FSTL4: variants seen among roughly 807,000 people sequenced by gnomAD.
FSTL4 encodes follistatin-related protein 4.
FSTL4 carries 28 observed loss-of-function variants against 78.2 expected under a neutral mutation model. The observed-to-expected ratio is 0.36, with a 90% CI of 0.27 to 0.49. The LOEUF (loss-of-function observed/expected upper bound fraction) is 0.49. FSTL4 is among the 20% of genes least tolerant of loss of function. The pLI, the probability that FSTL4 is intolerant of heterozygous loss-of-function variation, is 0.98. For synonymous variants in FSTL4, 422 were observed against 440.5 expected, an observed-to-expected ratio of 0.96 and a Z score of 0.53; for missense variants, 922 against 1,084.9, an observed-to-expected ratio of 0.85 and a Z score of 2.11.
At chr5:133,378,543 T>C (rs1198097570) in intron 4 of FSTL4, among the ~76,000 whole-genome samples, 1 of 152,170 alleles carries the variant, frequency 6.6e-6, no homozygotes, top group Non-Finnish European at 1.5e-5. Flanking sequence ...ATGACAAAAT[T>C]ATTTAAATCA....
At chr5:133,523,974 C>T (rs933057766) in intron 3 of FSTL4, among the ~76,000 whole-genome samples, 8 of 152,316 alleles carry the variant, frequency 5.3e-5, no homozygotes, top group Middle Eastern at 3.4e-3. Context: ...GCAGGGAAGA[C>T]GGGTGTCCTT....
At chr5:133,740,080 G>T in the FSTL4 span, among the ~76,000 whole-genome samples, 243 of 152,120 alleles carry the variant, frequency 1.6e-3, no homozygotes, top group African/African-American at 5.5e-3. Context: ...ACAGGGTTTT[G>T]CCATGTTGCC....
chr5:133,830,578 C>T, the FSTL4 span, among the ~76,000 whole-genome samples: 5 of 152,220 alleles, frequency 3.3e-5, no homozygotes, highest in Non-Finnish European at 7.4e-5. Context: ...GTGATTCTCA[C>T]AGGCACAGAG....
chr5:133,196,459 TG>T lies in FSTL4; in HGVS notation c.*2635del, dbSNP rs1750148897. 1 of 152,166 alleles carries T rather than the reference TG, an allele frequency of 6.6e-6. No homozygotes were observed. Among genetic ancestry groups the T allele is most frequent in the African/African-American group, 2.4e-5 (1 of 41,422 alleles). The allele number at this position is 152,166 out of a possible 1,614,324, so 9.4% of individuals were successfully genotyped here. ...GGGAAAAAAAAAACTATCGAATTTT[TG>T]TAAAATTAATTTTATTTCAAAATGA... is the stretch of plus-strand genomic sequence containing the variant. On this transcript the variant is annotated 3_prime_UTR_variant, in exon 16 of 16. Coordinates refer to ENST00000265342, the MANE Select transcript of FSTL4 (RefSeq NM_015082.2).
chr5:133,579,434 C>T (rs1029883048), intron 2 of FSTL4, among the ~76,000 whole-genome samples: 10 of 152,122 alleles, frequency 6.6e-5, no homozygotes, highest in East Asian at 3.9e-4. Context: ...CATTCTGAGA[C>T]GCTTCATGTC....
At chr5:133,535,794 T>C (rs1759340421) in intron 3 of FSTL4, among the ~76,000 whole-genome samples, 1 of 152,134 alleles carries the variant, frequency 6.6e-6, no homozygotes, top group South Asian at 2.1e-4. Context: ...TCCAAGTAGA[T>C]TAGGACAAGG....
intron 4 of FSTL4, among the ~76,000 whole-genome samples, chr5:133,340,079 A>G (rs1210272008): frequency 6.6e-6 from 1 of 152,146 alleles, no homozygotes; most frequent in Admixed American, 6.5e-5. Flanking sequence ...TGTTCCAGGC[A>G]TGGGGAGTCT....
At chr5:133,221,174 T>A (rs929389758) in intron 11 of FSTL4, among the ~76,000 whole-genome samples, 1 of 152,202 alleles carries the variant, frequency 6.6e-6, no homozygotes, top group Non-Finnish European at 1.5e-5. Flanking sequence ...TGACCTTTCC[T>A]GTTCTGAAAG....
intron 3 of FSTL4, among the ~76,000 whole-genome samples, chr5:133,490,831 G>A (rs940525754): frequency 2.6e-5 from 4 of 152,180 alleles, no homozygotes; most frequent in African/African-American, 7.2e-5. Context: ...TGTGTATTAG[G>A]TGTGGAGTTT....
rs182067875 is a variant in FSTL4 at position 133,270,045 on chromosome 5, C to A, written c.728-20469G>T. 235 of 152,354 alleles carry A rather than the reference C, an allele frequency of 1.5e-3. 1 individual carries two copies. Among genetic ancestry groups the A allele is most frequent in the African/African-American group, 5.5e-3 (228 of 41,570 alleles). 9.4% of individuals were successfully genotyped at this position (152,354 alleles called of 1,614,324 possible). A position where few individuals can be genotyped will look rare whatever the true frequency, so the allele number is the denominator to read the frequency against. On this transcript the variant is annotated intron_variant, in intron 6 of 15. Transcript: ENST00000265342. ...AATAAAGTACGTGTGCCTAACATGGCCCTTCCTGCAGGGTTCCACTTCATT... is the reference window on the plus strand; with the variant it reads ...AATAAAGTACGTGTGCCTAACATGGACCTTCCTGCAGGGTTCCACTTCATT...
chr5:133,679,751 T>C, the FSTL4 span, among the ~76,000 whole-genome samples: 7 of 152,154 alleles, frequency 4.6e-5, no homozygotes, highest in Admixed American at 1.3e-4. Context: ...AGGAGGTCTC[T>C]GCACATGGCC....
intron 3 of FSTL4, among the ~76,000 whole-genome samples, chr5:133,554,201 T>C (rs1759741708): frequency 6.6e-6 from 1 of 152,032 alleles, no homozygotes; most frequent in Non-Finnish European, 1.5e-5. Context: ...GTGGACAGAG[T>C]GCAGTCGTGA....
rs117512222 is a variant in FSTL4, at chr5:133,223,333, A to G, written c.1339+857T>C. Among the ~76,000 whole-genome samples, 277 of 152,342 alleles carry G rather than the reference A, an allele frequency of 1.8e-3. 8 individuals are homozygous for G. The East Asian group carries it at 0.047, about 26-fold the overall frequency. On this transcript the variant is annotated intron_variant, in intron 11 of 15. Transcript: ENST00000265342. ...GAAATTGTTCTGAGTATGTGTCTGC[A>G]TGCATATGCCAGACTGCAGGTAACA...
chr5:133,692,381 G>A, the FSTL4 span, among the ~76,000 whole-genome samples: 2 of 152,178 alleles, frequency 1.3e-5, no homozygotes, highest in Non-Finnish European at 2.9e-5. Flanking sequence ...GGGGGTTTGA[G>A]CAGGGGTGTG....
chr5:133,338,440 C>CATGCTTTT lies in FSTL4; in HGVS notation c.410-21796_410-21789dup, dbSNP rs1312758893. On this transcript the variant is annotated intron_variant, in intron 4 of 15. Transcript: ENST00000265342. The surrounding 1 kb of genome is among the most constrained non-coding windows in gnomAD (Gnocchi z 4.0). ...GAGTATTTGGCTGCTTCTCCTGCCCCATGCTTTTCTAGGTTCCCAGAAGCT... is the reference window on the plus strand; with the variant it reads ...GAGTATTTGGCTGCTTCTCCTGCCCCATGCTTTTATGCTTTTCTAGGTTCCCAGAAGCT... Among the ~76,000 whole-genome samples the CATGCTTTT allele has an allele frequency of 2.0e-5, 3 of 152,134 alleles. No individual in the cohort carries two copies. Among genetic ancestry groups the CATGCTTTT allele is most frequent in the African/African-American group, 7.2e-5 (3 of 41,396 alleles).
chr5:133,674,055 G>A, the FSTL4 span, among the ~76,000 whole-genome samples: 1 of 152,192 alleles, frequency 6.6e-6, no homozygotes, highest in African/African-American at 2.4e-5. Flanking sequence ...CTGTGATACA[G>A]CAACAACAGA....
At chr5:133,614,554 G>A (rs898978188), upstream of FSTL4, among the ~76,000 whole-genome samples, 1 of 152,204 alleles carries the variant, frequency 6.6e-6, no homozygotes, top group Admixed American at 6.5e-5. Context: ...AGCAGCATCA[G>A]ATGCCAGTAA....
chr5:133,215,421 G>A (rs999413554), intron 13 of FSTL4, among the ~76,000 whole-genome samples: 1 of 152,140 alleles, frequency 6.6e-6, no homozygotes, highest in African/African-American at 2.4e-5. Context: ...CTCCAGACCT[G>A]TTTATCTAAC....
chr5:133,202,950 G>A (rs893842219), intron 14 of FSTL4, among the ~76,000 whole-genome samples: 6 of 152,232 alleles, frequency 3.9e-5, no homozygotes, highest in Non-Finnish European at 5.9e-5. Flanking sequence ...TGTGAAGTCA[G>A]ATAGGATGAG....
Sources: gnomAD v4.1 joint callset for allele counts (sites outside exome capture counted in the v4.1 genomes callset) on GRCh38, gnomAD v4.1.1 for gene constraint, Gnocchi (gnomAD v3.1) non-coding constraint, MANE v1.5 for transcripts, NCBI Gene and HGNC (gene_info 2026-07-23, HGNC 2026-07-21) for gene names.